Variants in BLM observed in about 807,000 individuals in gnomAD.
BLM encodes recQ-like DNA helicase BLM.
Under a neutral mutation model 135.3 loss-of-function variants are expected in BLM, and 95 were observed. The ratio of observed to expected loss-of-function variants is 0.70; its 90% confidence interval spans 0.59 to 0.83. BLM has a LOEUF of 0.83. BLM is among the 40% of genes least tolerant of loss of function. The pLI is 0.00. For synonymous variants in BLM, 520 were observed against 589.2 expected (o/e 0.88, Z 1.70); for missense variants, 1,518 against 1,663.9 (o/e 0.91, Z 1.53).
rs1596267417 is a variant in BLM at position 90,803,543 on chromosome 15, G to T, written c.3381G>T (p.Gln1127His). Residue 1127 changes from glutamine (Q) to histidine (H), a missense_variant, in exon 18 of 22, where the codon CAG (glutamine) becomes CAT (histidine). Gln to His is a conservative substitution (Grantham distance 24). Coordinates refer to ENST00000355112, the MANE Select transcript of BLM (RefSeq NM_000057.4). Reference sequence around the variant, plus strand: ...CAGGGAGTAAGAGTGCAAAAATCCAGTCAGGTATATTTGGAAAAGGATCTG... The same window carrying T: ...CAGGGAGTAAGAGTGCAAAAATCCATTCAGGTATATTTGGAAAAGGATCTG... Reference protein sequence around the residue: ...IFLGSKSAKIQSGIFGKGSAY... With the variant: ...IFLGSKSAKIHSGIFGKGSAY... 6.2e-7 allele frequency: 1 copy of T among 1,613,704 alleles called. No individual in the cohort carries two copies. Among genetic ancestry groups the T allele is most frequent in the Non-Finnish European group, 8.5e-7 (1 of 1,179,710 alleles).
At chr15:90,747,527 T>A in intron 2 of BLM, 37 bp downstream of exon 2, 2 of 1,294,280 alleles carry the variant, frequency 1.5e-6, no homozygotes, top group Non-Finnish European at 2.2e-6. Context: ...ACATAGGCAC[T>A]AACTTACCAC....
intron 12 of BLM, among the ~76,000 whole-genome samples, chr15:90,775,356 C>T (rs1236592128): frequency 2.6e-5 from 4 of 151,870 alleles, no homozygotes; most frequent in African/African-American, 7.3e-5. Context: ...TGGATGACCA[C>T]GATAGCCATC....
At chr15:90,798,119 A>T (rs1409602062) in intron 16 of BLM, 71 bp from the exon 17 acceptor site, 4 of 1,345,730 alleles carry the variant, frequency 3.0e-6, no homozygotes, top group South Asian at 2.5e-5. Context: ...TACTATAGTT[A>T]ATATTAAACC....
rs747281324 is a variant in BLM at position 90,763,098 on chromosome 15, A to G, written c.2015A>G (p.Gln672Arg). The change falls in exon 8 of 22, where the codon CAG (glutamine) becomes CGG (arginine). Residue 672 changes from glutamine (Q) to arginine (R), a missense_variant. By Grantham distance (43) the Gln-to-Arg change is conservative (BLOSUM62 1). Around this residue, in one of 5 missense-constraint regions of BLM, gnomAD observed 13 missense variants for 35.8 expected, o/e 0.36. Transcript: ENST00000355112. ...KFGLHNFRTN[Q>R]LEAINAALLG... is the part of the protein sequence containing the mutation. ...GGCCTGCATAATTTTAGAACTAATC[A>G]GCTAGAGGCGATCAATGCTGCACTG... 1.7e-5 allele frequency: 27 copies of G among 1,614,054 alleles called. No homozygotes were observed. The highest frequency in any genetic ancestry group is 2.3e-5 in the Non-Finnish European group (27 of 1,180,030).
At chr15:90,786,141 C>G (rs1364761346) in intron 14 of BLM, among the ~76,000 whole-genome samples, 1 of 151,726 alleles carries the variant, frequency 6.6e-6, no homozygotes, top group Non-Finnish European at 1.5e-5. Flanking sequence ...AGGCGCACCA[C>G]TATGCCTGGC....
At chr15:90,791,314 C>T (rs1457343665) in intron 15 of BLM, among the ~76,000 whole-genome samples, 1 of 152,182 alleles carries the variant, frequency 6.6e-6, no homozygotes, top group Non-Finnish European at 1.5e-5. Context: ...CATCCGTCCT[C>T]TCCCATTAGA....
Position 90,766,955 on chromosome 15 carries a change from A to G in BLM, c.2239A>G (p.Thr747Ala). 1 of 1,606,212 alleles carries G rather than the reference A, an allele frequency of 6.2e-7. No individual in the cohort carries two copies. Among genetic ancestry groups the G allele is most frequent in the Non-Finnish European group, 8.5e-7 (1 of 1,173,676 alleles). Residue 747 changes from threonine (T) to alanine (A), a missense_variant, in exon 10 of 22, where the codon ACA becomes GCA. By Grantham distance (58) the Thr-to-Ala change is moderately conservative. This residue lies in a region of BLM where 626 missense variants were observed against 681.1 expected (regional missense o/e 0.92). Coordinates refer to ENST00000355112, the MANE Select transcript of BLM (RefSeq NM_000057.4). ...AGGTGATAAGACTGACTCAGAAGCT[A>G]CAAATATTTACCTCCAGTTATCAAA... ...LTGDKTDSEA[T>A]NIYLQLSKKD...
chr15:90,748,903 A>T (rs895953855), intron 2 of BLM, among the ~76,000 whole-genome samples: 7 of 151,868 alleles, frequency 4.6e-5, no homozygotes, highest in Non-Finnish European at 8.8e-5. Flanking sequence ...GGCTTCAGGC[A>T]TACACCACTA....
intron 15 of BLM, among the ~76,000 whole-genome samples, chr15:90,793,583 G>C (rs28385095): frequency 0.17 from 26,183 of 152,028 alleles, 2,319 homozygotes; most frequent in Non-Finnish European, 0.19. Flanking sequence ...TAGCAACTGC[G>C]AAAAACCCAG....
At chr15:90,792,349 G>C (rs371332515) in intron 15 of BLM, among the ~76,000 whole-genome samples, 5 of 152,102 alleles carry the variant, frequency 3.3e-5, no homozygotes, top group African/African-American at 1.2e-4. Flanking sequence ...CCAGTGATCT[G>C]TCCGCCTCAG....
Position 90,808,711 on chromosome 15 carries a change from G to A in BLM, c.3752-426G>A, listed in dbSNP as rs955998318. On this transcript the variant is annotated intron_variant, in intron 19 of 21. Coordinates refer to ENST00000355112, the MANE Select transcript of BLM (RefSeq NM_000057.4). ...AATTTGGTTATGCCGTCTAGGGTGGGGTGTACAAGTCTGGAGTGCAGAGAA... is the reference window on the plus strand; with the variant it reads ...AATTTGGTTATGCCGTCTAGGGTGGAGTGTACAAGTCTGGAGTGCAGAGAA... 2.0e-4 allele frequency: 53 copies of A among 265,060 alleles called. 2 individuals carry two copies. In the South Asian group the frequency reaches 2.2e-3, roughly 11 times the overall value. 16.4% of individuals were successfully genotyped at this position (265,060 alleles called of 1,614,324 possible). A position where few individuals can be genotyped will look rare whatever the true frequency, so the allele number is the denominator to read the frequency against.
At chr15:90,761,282 A>G (rs368944113) in intron 7 of BLM, 27 bp downstream of exon 7, 2 of 1,431,960 alleles carry the variant, frequency 1.4e-6, no homozygotes, top group African/African-American at 1.5e-5. Context: ...TTGAATGCTT[A>G]TATGAAAACA....
intron 1 of BLM, among the ~76,000 whole-genome samples, chr15:90,743,326 T>A (rs1465694758): frequency 1.3e-5 from 2 of 152,234 alleles, no homozygotes; most frequent in African/African-American, 4.8e-5. Context: ...CTTTCATATA[T>A]GTAGGAGAAA....
chr15:90,719,623 T>C (rs1338280732), intron 1 of BLM, among the ~76,000 whole-genome samples: 1 of 152,104 alleles, frequency 6.6e-6, no homozygotes, highest in African/African-American at 2.4e-5. Flanking sequence ...TTTATGCCTT[T>C]AAAAGAGAGA....
intron 9 of BLM, among the ~76,000 whole-genome samples, chr15:90,766,291 T>TA (rs895228890): frequency 3.3e-5 from 5 of 151,948 alleles, no homozygotes; most frequent in African/African-American, 1.2e-4. Context: ...TACATTTATC[T>TA]AAAAAAAAGA....
intron 14 of BLM, 136 bp from the exon 15 acceptor site, chr15:90,790,513 A>T: frequency 1.2e-6 from 1 of 812,122 alleles, no homozygotes; most frequent in Non-Finnish European, 2.0e-6. Context: ...AGTTGGACCA[A>T]GTTAAGATAT....
intron 4 of BLM, among the ~76,000 whole-genome samples, chr15:90,754,368 A>G (rs1895760937): frequency 6.6e-6 from 1 of 152,256 alleles, no homozygotes; most frequent in African/African-American, 2.4e-5. Flanking sequence ...AGAAGTCCAG[A>G]AAAAGTGCTT....
intron 3 of BLM, among the ~76,000 whole-genome samples, chr15:90,750,300 G>A (rs1054609950): frequency 6.6e-6 from 1 of 152,150 alleles, no homozygotes; most frequent in Non-Finnish European, 1.5e-5. Flanking sequence ...TTTTATACAT[G>A]AAGAAAATAC....
intron 1 of BLM, among the ~76,000 whole-genome samples, chr15:90,742,551 A>G (rs1203500421): frequency 6.6e-6 from 1 of 152,060 alleles, no homozygotes; most frequent in African/African-American, 2.4e-5. Context: ...TTCAAAGAAA[A>G]GGCACTCTTT....
Sources: allele counts gnomAD v4.1 joint callset (sites outside exome capture counted in the v4.1 genomes callset), GRCh38; gene constraint gnomAD v4.1.1; regional missense constraint gnomAD v4.1.1; transcripts MANE v1.5; gene names NCBI Gene and HGNC (gene_info 2026-07-23, HGNC 2026-07-21).